AKT3: variants seen among roughly 807,000 people sequenced by gnomAD.
AKT3 encodes RAC-gamma serine/threonine-protein kinase.
In AKT3, 15 loss-of-function variants were observed where a neutral mutation model predicts 65.3. That is an observed-to-expected ratio of 0.23 (90% confidence interval 0.15 to 0.35). AKT3 has a LOEUF of 0.35. AKT3 is among the 10% of genes least tolerant of loss of function. The pLI, the probability that AKT3 is intolerant of heterozygous loss-of-function variation, is 1.00. For synonymous variants in AKT3, 206 were observed against 183.8 expected (o/e 1.12, Z -0.98); for missense variants, 243 against 576.5 (o/e 0.42, Z 5.92).
At chr1:243,829,471 A>G (rs1250747389) in intron 2 of AKT3, among the ~76,000 whole-genome samples, 1 of 152,182 alleles carries the variant, frequency 6.6e-6, no homozygotes, top group East Asian at 1.9e-4. Flanking sequence ...TATTCAAACT[A>G]GAAAAATATT....
rs1463273116 is a variant in AKT3, at chr1:243,492,711, A to C, written c.*7-4261T>G. ...CAACCTCTGCCTCCTGGGTTCAAGC[A>C]ATTCTCCTGCCTCAGCCTCCCAAGT... On this transcript the variant is annotated intron_variant, in intron 13 of 13. Coordinates refer to the AKT3 transcript ENST00000336199. Among the ~76,000 whole-genome samples the C allele has an allele frequency of 2.2e-5, 3 of 137,114 alleles. No homozygotes were observed. In the East Asian group the frequency reaches 6.6e-4, roughly 30 times the overall value. The allele number at this position is 137,114 out of a possible 152,430, so 90.0% of individuals were successfully genotyped here.
chr1:243,670,411 G>T (rs1378000365), intron 3 of AKT3, among the ~76,000 whole-genome samples: 1 of 152,104 alleles, frequency 6.6e-6, no homozygotes, highest in East Asian at 1.9e-4. Context: ...AAACTTTTGA[G>T]TTCTTGCATG....
At chr1:243,637,542 T>A in intron 6 of AKT3, 69 bp downstream of exon 6, 1 of 1,361,926 alleles carries the variant, frequency 7.3e-7, no homozygotes, top group Non-Finnish European at 9.9e-7. Flanking sequence ...AGCATGTAAA[T>A]TCATGAGCCC....
At chr1:243,808,062 T>G (rs1487150157) in intron 2 of AKT3, 1 of 151,976 alleles carries the variant, frequency 6.6e-6, no homozygotes, top group Non-Finnish European at 1.5e-5. Context: ...CAAAGGCAGA[T>G]AAAACCACAA....
chr1:243,572,720 CAA>C (rs1674654548), intron 9 of AKT3, among the ~76,000 whole-genome samples: 1 of 152,058 alleles, frequency 6.6e-6, no homozygotes. Flanking sequence ...AATTGCTTTG[CAA>C]ATCAAAAACT....
At chr1:243,768,833 A>C (rs1400700684) in intron 2 of AKT3, among the ~76,000 whole-genome samples, 1 of 147,806 alleles carries the variant, frequency 6.8e-6, no homozygotes, top group Non-Finnish European at 1.5e-5. Flanking sequence ...ATCCGCCACA[A>C]AAAAAAAAAA....
chr1:243,742,989 G>A (rs1201451793), intron 2 of AKT3, among the ~76,000 whole-genome samples: 3 of 151,978 alleles, frequency 2.0e-5, no homozygotes, highest in African/African-American at 7.3e-5. Context: ...CAACAGAAGA[G>A]GTCAGAAGGA....
At chr1:243,665,376 ATTAC>A (rs940468512) in intron 3 of AKT3, among the ~76,000 whole-genome samples, 2 of 152,156 alleles carry the variant, frequency 1.3e-5, no homozygotes, top group Non-Finnish European at 2.9e-5. Flanking sequence ...ATCTTACAGT[ATTAC>A]TTATCATTTT....
At chr1:243,673,037 T>A (rs1395558446) in intron 3 of AKT3, among the ~76,000 whole-genome samples, 1 of 152,216 alleles carries the variant, frequency 6.6e-6, no homozygotes, top group Non-Finnish European at 1.5e-5. Context: ...GAATTAGGCA[T>A]GTTGGTTTTT....
chr1:243,592,260 A>G (rs1676284621), intron 8 of AKT3, among the ~76,000 whole-genome samples: 1 of 152,092 alleles, frequency 6.6e-6, no homozygotes, highest in Non-Finnish European at 1.5e-5. Flanking sequence ...GCGTGAACCC[A>G]GGAGGCGGAG....
chr1:243,722,114 T>C (rs1558753659), intron 2 of AKT3, among the ~76,000 whole-genome samples: 1 of 152,202 alleles, frequency 6.6e-6, no homozygotes. Context: ...GCTTAGCAGG[T>C]CACAGCAGGT....
intron 8 of AKT3, among the ~76,000 whole-genome samples, chr1:243,592,126 G>A (rs1344800377): frequency 6.6e-6 from 1 of 152,070 alleles, no homozygotes; most frequent in Non-Finnish European, 1.5e-5. Context: ...ACGAGGTCAG[G>A]AGATCGAGAC....
At chr1:243,493,832 CAG>C (rs1667170491) in intron 13 of AKT3, among the ~76,000 whole-genome samples, 3 of 151,774 alleles carry the variant, frequency 2.0e-5, no homozygotes, top group African/African-American at 7.3e-5. Context: ...GCAGGGGACA[CAG>C]AGACACAGAA....
In AKT3 at chr1:243,758,841, C is replaced by CT. The variant is rs145798021; in HGVS notation, c.47-63126dup. ...CACCTCTTGCTGTGTGTCCCAGGTC[C>CT]TAACAGGTCAGGGACCAGTACTTGT... On this transcript the variant is annotated intron_variant, in intron 2 of 13. Coordinates refer to ENST00000673466, the MANE Select transcript of AKT3 (RefSeq NM_005465.7). Among the ~76,000 whole-genome samples the CT allele has an allele frequency of 5.1e-3, 780 of 152,270 alleles. 9 individuals carry two copies. The highest frequency in any genetic ancestry group is 0.018 in the African/African-American group (740 of 41,542).
intron 3 of AKT3, among the ~76,000 whole-genome samples, chr1:243,667,924 C>A (rs1337091970): frequency 1.3e-5 from 2 of 152,132 alleles, no homozygotes; most frequent in Non-Finnish European, 2.9e-5. Context: ...AACATTCTTT[C>A]CCCCCTCACA....
intron 2 of AKT3, among the ~76,000 whole-genome samples, chr1:243,832,326 G>C (rs930091202): frequency 1.3e-5 from 2 of 151,792 alleles, no homozygotes; most frequent in Non-Finnish European, 2.9e-5. Context: ...TTTATAAACT[G>C]TACTCCTACT....
intron 2 of AKT3, among the ~76,000 whole-genome samples, chr1:243,754,846 G>A (rs1351810394): frequency 3.3e-5 from 5 of 152,110 alleles, no homozygotes; most frequent in Admixed American, 6.5e-5. Flanking sequence ...CTGACCTCAC[G>A]GGCAGAAGCC....
rs1674674339 is a variant in AKT3, at chr1:243,572,967, C to T, written c.778G>A (p.Asp260Asn). ...FYGAEIVSAL[D>N]YLHSGKIVYR... ...ACAATCTTTCCGGAATGTAGATAGT[C>T]CAAGGCAGAGACAATTTCTGCACCA... The change falls in exon 9 of 14, where the codon GAC (aspartate) becomes AAC (asparagine). Residue 260 changes from aspartate to asparagine, a missense_variant. Asp to Asn is a conservative substitution (Grantham distance 23, BLOSUM62 1). Around this residue, in one of 6 missense-constraint regions of AKT3, gnomAD observed 61 missense variants for 163.3 expected, o/e 0.37. Coordinates refer to ENST00000673466, the MANE Select transcript of AKT3 (RefSeq NM_005465.7). 6.2e-7 allele frequency: 1 copy of T among 1,612,698 alleles called. No individual in the cohort carries two copies. Among genetic ancestry groups the T allele is most frequent in the African/African-American group, 1.3e-5 (1 of 74,678 alleles).
chr1:243,489,566 T>C (rs887467776), intron 13 of AKT3, among the ~76,000 whole-genome samples: 12 of 152,222 alleles, frequency 7.9e-5, no homozygotes, highest in Non-Finnish European at 1.6e-4. Context: ...CAAAGTCGTC[T>C]TGAATGGAAG....
Sources: allele counts gnomAD v4.1 joint callset (sites outside exome capture counted in the v4.1 genomes callset), GRCh38; gene constraint gnomAD v4.1.1; regional missense constraint gnomAD v4.1.1; transcripts MANE v1.5; gene names NCBI Gene and HGNC (gene_info 2026-07-23, HGNC 2026-07-21).